The following SPECC1 variants were observed in gnomAD, a reference collection of about 807,000 sequenced individuals.
SPECC1 encodes the protein cytospin-B.
In SPECC1, 62 loss-of-function variants were observed where a neutral mutation model predicts 104.1. That is an observed-to-expected ratio of 0.60 (90% CI 0.49 to 0.74). SPECC1 has a LOEUF of 0.74. Among genes scored for constraint, SPECC1 ranks in the 30% least tolerant of loss-of-function variants. The probability of loss-of-function intolerance (pLI) is 0.00; values close to 1 mark genes in which losing one functional copy is unlikely to be tolerated. For missense variants in SPECC1, 1,306 were observed against 1,310.5 expected, an observed-to-expected ratio of 1.00 and a Z score of 0.05; for synonymous variants, 513 against 501.6, an observed-to-expected ratio of 1.02 and a Z score of -0.30.
chr17:20,015,512 C>T (rs1046179124), intron 1 of SPECC1, among the ~76,000 whole-genome samples: 13 of 151,146 alleles, frequency 8.6e-5, no homozygotes, highest in Middle Eastern at 6.9e-3. Context: ...AGATTTGTTC[C>T]GTCAACTCTT....
Position 20,313,851 on chromosome 17 carries a change from C to T in SPECC1, c.3118-125C>T, listed in dbSNP as rs533863578. On this transcript the variant is annotated intron_variant, in intron 14 of 14. Coordinates refer to ENST00000395527, the MANE Select transcript of SPECC1 (RefSeq NM_001243439.2). ...TCAGCACCACCTGTGCTGGCCTTCA[C>T]GTTCTGTCTGTGTAAGTGGAGGGTT... 9 of 829,892 alleles carry T rather than the reference C, an allele frequency of 1.1e-5. 1 individual carries two copies. The highest frequency in any genetic ancestry group is 6.7e-5 in the African/African-American group (4 of 59,502). 51.4% of individuals were successfully genotyped at this position (829,892 alleles called of 1,614,324 possible). A position where few individuals can be genotyped will look rare whatever the true frequency, so the allele number is the denominator to read the frequency against.
intron 3 of SPECC1, among the ~76,000 whole-genome samples, chr17:20,189,692 C>G (rs554161953): frequency 6.6e-6 from 1 of 152,196 alleles, no homozygotes; most frequent in Non-Finnish European, 1.5e-5. Flanking sequence ...TTATTGTCCC[C>G]CTCTTTCTGG....
At chr17:20,119,421 C>T (rs531480300) in intron 3 of SPECC1, among the ~76,000 whole-genome samples, 7 of 151,924 alleles carry the variant, frequency 4.6e-5, no homozygotes, top group African/African-American at 9.7e-5. Context: ...TAGTTGAGAT[C>T]GGGTTTCTCC....
chr17:20,195,599 C>T (rs1480620249), intron 3 of SPECC1, among the ~76,000 whole-genome samples: 1 of 151,540 alleles, frequency 6.6e-6, no homozygotes, highest in African/African-American at 2.4e-5. Context: ...GCTCTGTCAC[C>T]CAGTCTGGAG....
chr17:20,276,346 C>T (rs2040576289), intron 12 of SPECC1, among the ~76,000 whole-genome samples: 1 of 152,174 alleles, frequency 6.6e-6, no homozygotes, highest in Admixed American at 6.5e-5. Flanking sequence ...TTTTGAACTC[C>T]TGGGCTGAAG....
chr17:20,184,025 C>A (rs2035090004), intron 3 of SPECC1, among the ~76,000 whole-genome samples: 2 of 149,108 alleles, frequency 1.3e-5, no homozygotes. Flanking sequence ...AAAAAAAAGA[C>A]AAAAAATTAG....
chr17:20,182,993 A>G (rs1420579984), intron 3 of SPECC1, among the ~76,000 whole-genome samples: 1 of 152,280 alleles, frequency 6.6e-6, no homozygotes, highest in Non-Finnish European at 1.5e-5. Context: ...GGACATAGGT[A>G]GTACTCTGGG....
chr17:20,281,202 A>T (rs1293815376), intron 12 of SPECC1, among the ~76,000 whole-genome samples: 1 of 152,216 alleles, frequency 6.6e-6, no homozygotes, highest in Non-Finnish European at 1.5e-5. Flanking sequence ...GCCTGCGGTG[A>T]AACTGGTTTT....
At chr17:20,059,225 G>A (rs1307250236) in intron 1 of SPECC1, among the ~76,000 whole-genome samples, 1 of 151,958 alleles carries the variant, frequency 6.6e-6, no homozygotes, top group Non-Finnish European at 1.5e-5. Context: ...ATCAATGGGA[G>A]CCCTGAGGTT....
At chr17:20,184,767 A>G (rs1384302459) in intron 3 of SPECC1, among the ~76,000 whole-genome samples, 1 of 152,240 alleles carries the variant, frequency 6.6e-6, no homozygotes, top group East Asian at 1.9e-4. Context: ...CATTTTAAGT[A>G]TTATTATTAA....
At chr17:20,285,914 A>G (rs2040929280) in intron 12 of SPECC1, among the ~76,000 whole-genome samples, 1 of 151,802 alleles carries the variant, frequency 6.6e-6, no homozygotes, top group Non-Finnish European at 1.5e-5. Flanking sequence ...CCCAGGCTCA[A>G]GTGATTCTCC....
At chr17:20,289,315 C>T (rs986869316) in intron 12 of SPECC1, among the ~76,000 whole-genome samples, 1 of 152,058 alleles carries the variant, frequency 6.6e-6, no homozygotes, top group African/African-American at 2.4e-5. Flanking sequence ...ACAGCCAGAC[C>T]ATATCAGATG....
At chr17:20,042,839 T>G (rs772887723) in intron 1 of SPECC1, among the ~76,000 whole-genome samples, 3 of 152,134 alleles carry the variant, frequency 2.0e-5, no homozygotes, top group Non-Finnish European at 4.4e-5. Flanking sequence ...ATCACTGGGT[T>G]GTTCTGTGGG....
chr17:20,154,590 T>A (rs996983105), intron 3 of SPECC1, among the ~76,000 whole-genome samples: 2 of 152,162 alleles, frequency 1.3e-5, no homozygotes, highest in Admixed American at 6.5e-5. Flanking sequence ...GAGGCCATTG[T>A]AAGGGCTTTG....
At chr17:20,198,799 G>A (rs1026727291) in intron 3 of SPECC1, among the ~76,000 whole-genome samples, 7 of 152,106 alleles carry the variant, frequency 4.6e-5, no homozygotes, top group Non-Finnish European at 7.4e-5. Context: ...CTCTTGACTG[G>A]TTTCCTGTAA....
At chr17:20,231,439 A>G (rs547457780) in intron 5 of SPECC1, among the ~76,000 whole-genome samples, 3 of 152,310 alleles carry the variant, frequency 2.0e-5, no homozygotes, top group Admixed American at 6.5e-5. Flanking sequence ...CGGACTCGGT[A>G]TGCAAGTGTG....
chr17:20,203,120 G>A lies in SPECC1; in HGVS notation c.284-1213G>A, dbSNP rs549478139. The stretch of plus-strand genomic sequence containing the variant: ...TGCCTTAGCGCTGGGGCTGCTGCCA[G>A]TCTATGGGAACATTCCCTCCCGTGC... On this transcript the variant is annotated intron_variant, in intron 3 of 14. Coordinates refer to ENST00000395527, the MANE Select transcript of SPECC1 (RefSeq NM_001243439.2). Among the ~76,000 whole-genome samples the A allele has an allele frequency of 1.4e-4, 22 of 152,216 alleles. No individual in the cohort carries two copies. In the South Asian group the frequency reaches 4.4e-3, roughly 30 times the overall value.
Position 20,110,424 on chromosome 17 carries a change from C to A in SPECC1, c.148-3C>A. ...CCTCTCTCTTTCCTTCCAACTCTCTCAGCTCAAGAGGGCCAGCAGTGAGGA... is the reference window on the plus strand; with the variant it reads ...CCTCTCTCTTTCCTTCCAACTCTCTAAGCTCAAGAGGGCCAGCAGTGAGGA... On this transcript the variant is annotated splice_polypyrimidine_tract_variant and splice_region_variant and intron_variant, in intron 2 of 14. Coordinates refer to ENST00000395527, the MANE Select transcript of SPECC1 (RefSeq NM_001243439.2). 5 of 1,608,002 alleles carry A rather than the reference C, an allele frequency of 3.1e-6. No individual in the cohort carries two copies. Among genetic ancestry groups the A allele is most frequent in the Non-Finnish European group, 4.2e-6 (5 of 1,176,510 alleles).
At chr17:20,018,897 C>T (rs978477712) in intron 1 of SPECC1, among the ~76,000 whole-genome samples, 1 of 152,104 alleles carries the variant, frequency 6.6e-6, no homozygotes, top group African/African-American at 2.4e-5. Flanking sequence ...TCATGCAGGC[C>T]CCCTTTGCCC....
Sources: gnomAD v4.1 joint callset for allele counts (sites outside exome capture counted in the v4.1 genomes callset) on GRCh38, gnomAD v4.1.1 for gene constraint, MANE v1.5 for transcripts, NCBI Gene and HGNC (gene_info 2026-07-23, HGNC 2026-07-21) for gene names.